CHIC1: variants seen among roughly 807,000 people sequenced by gnomAD.
CHIC1 encodes the protein cysteine-rich hydrophobic domain-containing protein 1.
In CHIC1, 7 loss-of-function variants were observed where a neutral mutation model predicts 18.5. The ratio of observed to expected loss-of-function variants is 0.38; its 90% CI spans 0.22 to 0.71. The LOEUF is 0.71. Among genes scored for constraint, CHIC1 ranks in the 30% least tolerant of loss-of-function variants. CHIC1 has a pLI of 0.49. For synonymous variants in CHIC1, 77 were observed against 73.5 expected (o/e 1.05, Z -0.25); for missense variants, 159 against 176.9 (o/e 0.90, Z 0.57).
intron 3 of CHIC1, among the ~76,000 whole-genome samples, chrX:73,674,553 T>G (rs2058051188): frequency 8.9e-6 from 1 of 112,299 alleles, no homozygotes; most frequent in African/African-American, 3.2e-5. Context: ...GATGGTAGTT[T>G]GTGTTTCTGT....
chrX:73,660,542 G>C (rs2057974825), intron 3 of CHIC1, among the ~76,000 whole-genome samples: 1 of 112,081 alleles, frequency 8.9e-6, no homozygotes, highest in Non-Finnish European at 1.9e-5. Flanking sequence ...GCAAGGAACA[G>C]ATTATCTGGA....
intron 3 of CHIC1, among the ~76,000 whole-genome samples, chrX:73,607,138 C>T (rs993653178): frequency 9.2e-6 from 1 of 109,050 alleles, no homozygotes; most frequent in Non-Finnish European, 1.9e-5. Flanking sequence ...ATCTATAAGT[C>T]TTTGACTGGA....
At chrX:73,606,162 T>C (rs2057682685) in intron 3 of CHIC1, among the ~76,000 whole-genome samples, 1 of 107,835 alleles carries the variant, frequency 9.3e-6, no homozygotes, top group African/African-American at 3.6e-5. Flanking sequence ...CCCATGTTTC[T>C]TGGAGGCTTT....
chrX:73,663,083 T>A (rs1269327384), intron 3 of CHIC1, among the ~76,000 whole-genome samples: 1 of 111,538 alleles, frequency 9.0e-6, no homozygotes, highest in African/African-American at 3.3e-5. Context: ...TTTAAGTCAA[T>A]AACAACTAAG....
intron 3 of CHIC1, among the ~76,000 whole-genome samples, chrX:73,649,793 T>C (rs938295710): frequency 5.4e-5 from 6 of 111,250 alleles, no homozygotes; most frequent in African/African-American, 2.0e-4. Flanking sequence ...AGACAGAAAA[T>C]TAACAAGGAT....
chrX:73,601,533 C>G (rs1307501189), intron 3 of CHIC1, among the ~76,000 whole-genome samples: 5 of 106,333 alleles, frequency 4.7e-5, no homozygotes, highest in Non-Finnish European at 9.5e-5. Context: ...ACACAACATA[C>G]CAGAATGTCT....
chrX:73,644,576 G>T (rs897649255), intron 3 of CHIC1, among the ~76,000 whole-genome samples: 5 of 112,541 alleles, frequency 4.4e-5, no homozygotes, highest in African/African-American at 1.3e-4. Flanking sequence ...AATCAAGCCT[G>T]GGCAATGGCA....
intron 1 of CHIC1, among the ~76,000 whole-genome samples, chrX:73,566,160 A>T (rs1303320637): frequency 9.2e-6 from 1 of 108,925 alleles, no homozygotes; most frequent in African/African-American, 3.4e-5. Context: ...TATCTCTTAG[A>T]TTTTTCATTT....
intron 3 of CHIC1, 88 bp from the exon 4 acceptor site, chrX:73,679,238 G>T: frequency 1.8e-6 from 1 of 562,678 alleles, no homozygotes; most frequent in Non-Finnish European, 3.0e-6. Context: ...GTAATGGGAT[G>T]TTACAAGTAG....
chrX:73,676,819 A>C (rs1400854437), intron 3 of CHIC1, among the ~76,000 whole-genome samples: 1 of 102,218 alleles, frequency 9.8e-6, no homozygotes, highest in Non-Finnish European at 1.9e-5. Flanking sequence ...TGATTTTTAC[A>C]GTTTCCAGTT....
chrX:73,595,942 T>A (rs1386581313), intron 3 of CHIC1, among the ~76,000 whole-genome samples: 1 of 112,122 alleles, frequency 8.9e-6, no homozygotes, highest in Non-Finnish European at 1.9e-5. Context: ...CGAGCTTTTT[T>A]TCATATGTTT....
At chrX:73,609,531 A>C (rs1008660748) in intron 3 of CHIC1, among the ~76,000 whole-genome samples, 2 of 109,062 alleles carry the variant, frequency 1.8e-5, no homozygotes, top group African/African-American at 7.1e-5. Context: ...CCTCCCGAGT[A>C]GCGGCATCTA....
At chrX:73,647,135 C>T (rs951104530) in intron 3 of CHIC1, among the ~76,000 whole-genome samples, 3 of 111,449 alleles carry the variant, frequency 2.7e-5, no homozygotes, top group African/African-American at 9.8e-5. Context: ...AGCGTGCTAC[C>T]CAGCTAGGGA....
chrX:73,641,044 A>G (rs1364610173), intron 3 of CHIC1, among the ~76,000 whole-genome samples: 1 of 111,559 alleles, frequency 9.0e-6, no homozygotes, highest in Non-Finnish European at 1.9e-5. Context: ...CATTATTATC[A>G]TGTTCTCATT....
At position 73,599,498 on chromosome X, in the gene CHIC1, T is replaced by C. The variant is rs750613577; in HGVS notation, c.507+14926T>C. Reference sequence around the variant, plus strand: ...GTTTAAGTCTTTAATCCATCTTGAATTGATTTTTGTATAAGGTGTAAGGAA... The same window carrying C: ...GTTTAAGTCTTTAATCCATCTTGAACTGATTTTTGTATAAGGTGTAAGGAA... On this transcript the variant is annotated intron_variant, in intron 3 of 5. Transcript: ENST00000373502. Among the ~76,000 whole-genome samples, 604 of 101,740 alleles carry C rather than the reference T, an allele frequency of 5.9e-3. 43 individuals carry two copies. The highest frequency in any genetic ancestry group is 0.023 in the African/African-American group (563 of 24,459). The allele number at this position is 101,740 out of a possible 115,157, so 88.3% of individuals were successfully genotyped here. A position where few individuals can be genotyped will look rare whatever the true frequency, so the allele number is the denominator to read the frequency against.
Position 73,681,762 on chromosome X carries a change from G to A in CHIC1, c.*757G>A, listed in dbSNP as rs2058100277. The A allele has an allele frequency of 8.9e-6, 1 of 112,249 alleles. No homozygotes were observed. The allele number at this position is 112,249 out of a possible 1,213,427, so 9.3% of individuals were successfully genotyped here. On this transcript the variant is annotated 3_prime_UTR_variant, in exon 6 of 6. Coordinates refer to ENST00000373502, the MANE Select transcript of CHIC1 (RefSeq NM_001039840.4). ...GTATGTTAAGAATTTCAGGTGTAGG[G>A]CAAGGTTGCCCTTTGTAACAAGTGG...
In CHIC1 at chrX:73,665,657, C is replaced by T. The variant is rs187026063; in HGVS notation, c.508-13669C>T. On this transcript the variant is annotated intron_variant, in intron 3 of 5. Coordinates refer to ENST00000373502, the MANE Select transcript of CHIC1 (RefSeq NM_001039840.4). ...ACTGACTGTGCAGTCTCTTCATCTT[C>T]GTTTTCAAGGGTTCCATTGCGACCC... Among the ~76,000 whole-genome samples, 581 of 111,377 alleles carry T rather than the reference C, an allele frequency of 5.2e-3. 2 individuals are homozygous for T. The highest frequency in any genetic ancestry group is 8.8e-3 in the Non-Finnish European group (465 of 53,142).
intron 3 of CHIC1, among the ~76,000 whole-genome samples, chrX:73,662,979 T>C (rs947852991): frequency 6.3e-5 from 7 of 111,815 alleles, no homozygotes; most frequent in African/African-American, 2.0e-4. Context: ...TCCAGTGAAA[T>C]TGGCGAGCTG....
chrX:73,668,060 T>G (rs1242383391), intron 3 of CHIC1, among the ~76,000 whole-genome samples: 2 of 111,934 alleles, frequency 1.8e-5, no homozygotes, highest in African/African-American at 6.5e-5. Flanking sequence ...TGTTCATTCC[T>G]TTTCATTCTT....
Sources: allele counts gnomAD v4.1 joint callset (sites outside exome capture counted in the v4.1 genomes callset), GRCh38; gene constraint gnomAD v4.1.1; transcripts MANE v1.5; gene names NCBI Gene and HGNC (gene_info 2026-07-23, HGNC 2026-07-21).